AGAP1: variants seen among roughly 807,000 people sequenced by gnomAD.
AGAP1 encodes ArfGAP with GTPase domain, ankyrin repeat and PH domain 1.
A neutral mutation model predicts 105.3 loss-of-function variants in AGAP1; 29 were observed. The ratio of observed to expected loss-of-function variants is 0.28; its 90% confidence interval spans 0.21 to 0.38. AGAP1 has a LOEUF of 0.38. Ranked by LOEUF, AGAP1 falls within the 10% of genes least tolerant of loss-of-function variation. The pLI is 1.00. For synonymous variants in AGAP1, 509 were observed against 485.9 expected (o/e 1.05, Z -0.63); for missense variants, 998 against 1,165.1 (o/e 0.86, Z 2.09).
chr2:235,935,382 C>T (rs1220184778), intron 12 of AGAP1, among the ~76,000 whole-genome samples: 1 of 152,156 alleles, frequency 6.6e-6, no homozygotes, highest in Non-Finnish European at 1.5e-5. Flanking sequence ...TGAAAAAGGC[C>T]GTTCCAGGAG....
At chr2:235,776,057 C>T (rs940013779) in intron 6 of AGAP1, among the ~76,000 whole-genome samples, 13 of 152,058 alleles carry the variant, frequency 8.5e-5, no homozygotes, top group Non-Finnish European at 2.9e-5. Flanking sequence ...TAGGAGACTG[C>T]GTTGTGTTTG....
rs78544634 is a variant in AGAP1, at chr2:235,561,164, G to A, written c.163+66315G>A. Reference sequence around the variant, plus strand: ...GCCTCCTCGCCTGTGCTCTCTATGTGAACACAGAGTTTCTGCTTCACTGTG... The same window carrying A: ...GCCTCCTCGCCTGTGCTCTCTATGTAAACACAGAGTTTCTGCTTCACTGTG... On this transcript the variant is annotated intron_variant, in intron 1 of 17. Coordinates refer to ENST00000304032, the MANE Select transcript of AGAP1 (RefSeq NM_001037131.3). Among the ~76,000 whole-genome samples, 523 of 152,260 alleles carry A rather than the reference G, an allele frequency of 3.4e-3. 4 individuals are homozygous for A. Among genetic ancestry groups the A allele is most frequent in the African/African-American group, 0.012 (495 of 41,552 alleles).
At chr2:235,702,587 G>T (rs975543259) in intron 1 of AGAP1, among the ~76,000 whole-genome samples, 1 of 152,192 alleles carries the variant, frequency 6.6e-6, no homozygotes, top group Non-Finnish European at 1.5e-5. Context: ...TCATTTCCAG[G>T]ATTACTTCCC....
At position 235,700,051 on chromosome 2, in the gene AGAP1, T is replaced by C. The variant is rs746961878; in HGVS notation, c.164-9128T>C. The stretch of plus-strand genomic sequence containing the variant: ...ACAAGCTGGGGCCAGAAGGCTGTAC[T>C]GCACTGGACCCAAAACCTGCCCTAG... On this transcript the variant is annotated intron_variant, in intron 1 of 17. Transcript: ENST00000304032. This position sits in a 1 kb window ranked among gnomAD's most constrained non-coding sequence, Gnocchi z 6.1. Among the ~76,000 whole-genome samples the C allele has an allele frequency of 6.6e-6, 1 of 152,170 alleles. No individual in the cohort carries two copies. The highest frequency in any genetic ancestry group is 1.5e-5 in the Non-Finnish European group (1 of 68,028).
At chr2:235,990,044 A>T (rs913509640) in intron 13 of AGAP1, among the ~76,000 whole-genome samples, 2 of 151,924 alleles carry the variant, frequency 1.3e-5, no homozygotes, top group East Asian at 3.9e-4. Flanking sequence ...TGTGGGCCAC[A>T]CCCCAGGACC....
chr2:235,635,641 A>G lies in AGAP1; in HGVS notation c.164-73538A>G, dbSNP rs1946971199. Among the ~76,000 whole-genome samples the G allele has an allele frequency of 6.6e-6, 1 of 152,024 alleles. No homozygotes were observed. Among genetic ancestry groups the G allele is most frequent in the Non-Finnish European group, 1.5e-5 (1 of 68,004 alleles). On this transcript the variant is annotated intron_variant, in intron 1 of 17. Transcript: ENST00000304032. This position sits in a 1 kb window ranked among gnomAD's most constrained non-coding sequence, Gnocchi z 5.3. ...TCAATGAGTTTTCTAGGGAGGCATC[A>G]GAGTTAGCCATGGCACCTTCTCCAA...
At chr2:235,536,662 C>CAT (rs1943246754) in intron 1 of AGAP1, among the ~76,000 whole-genome samples, 1 of 151,674 alleles carries the variant, frequency 6.6e-6, no homozygotes, top group Admixed American at 6.6e-5. Flanking sequence ...CACACACACA[C>CAT]ACACACACAC....
At chr2:235,945,350 C>A (rs1292879382) in intron 12 of AGAP1, among the ~76,000 whole-genome samples, 3 of 152,116 alleles carry the variant, frequency 2.0e-5, no homozygotes, top group Non-Finnish European at 4.4e-5. Flanking sequence ...GTGATCCACC[C>A]ACCTTGGCCT....
At position 235,992,217 on chromosome 2, in the gene AGAP1, A is replaced by G. The variant is rs550155902; in HGVS notation, c.1645+23594A>G. On this transcript the variant is annotated intron_variant, in intron 13 of 17. Coordinates refer to ENST00000304032, the MANE Select transcript of AGAP1 (RefSeq NM_001037131.3). This position sits in a 1 kb window ranked among gnomAD's most constrained non-coding sequence, Gnocchi z 4.8. ...CGGAGGAGCCGGTCTTCCTGGGTCCATGTTGCGTGGTTAGGAGCGCAGCGG... is the reference window on the plus strand; with the variant it reads ...CGGAGGAGCCGGTCTTCCTGGGTCCGTGTTGCGTGGTTAGGAGCGCAGCGG... Among the ~76,000 whole-genome samples, 1 of 151,008 alleles carries G rather than the reference A, an allele frequency of 6.6e-6. No homozygotes were observed.
At chr2:235,710,419 T>C (rs1415471015) in intron 2 of AGAP1, among the ~76,000 whole-genome samples, 1 of 152,222 alleles carries the variant, frequency 6.6e-6, no homozygotes. Context: ...GCCGTCTCTC[T>C]CATTGGTGTC....
chr2:235,666,312 C>CTGA (rs1948125788), intron 1 of AGAP1, among the ~76,000 whole-genome samples: 1 of 152,092 alleles, frequency 6.6e-6, no homozygotes, highest in Admixed American at 6.5e-5. Context: ...ATAATGCCAC[C>CTGA]TGAACATATA....
chr2:235,895,693 G>A lies in AGAP1; in HGVS notation c.1155+12244G>A, dbSNP rs562267021. 2.7e-5 allele frequency among the ~76,000 whole-genome samples: 4 copies of A among 149,116 alleles called. No individual in the cohort carries two copies. In the South Asian group the frequency reaches 8.6e-4, roughly 32 times the overall value. On this transcript the variant is annotated intron_variant, in intron 10 of 17. Coordinates refer to ENST00000304032, the MANE Select transcript of AGAP1 (RefSeq NM_001037131.3). ...ATGTATCTCTAACATCTGGAACACT[G>A]GCTTGTTGGATGGATGGATGGATGG...
At position 236,125,555 on chromosome 2, in the gene AGAP1, C is replaced by G. The variant is rs1461401444; in HGVS notation, c.*1433C>G. The G allele has an allele frequency of 1.3e-5, 2 of 152,174 alleles. No individual in the cohort carries two copies. Among genetic ancestry groups the G allele is most frequent in the Non-Finnish European group, 1.5e-5 (1 of 68,032 alleles). 9.4% of individuals were successfully genotyped at this position (152,174 alleles called of 1,614,324 possible). A position where few individuals can be genotyped will look rare whatever the true frequency, so the allele number is the denominator to read the frequency against. On this transcript the variant is annotated 3_prime_UTR_variant, in exon 18 of 18. Coordinates refer to ENST00000304032, the MANE Select transcript of AGAP1 (RefSeq NM_001037131.3). The surrounding 1 kb of genome is among the most constrained non-coding windows in gnomAD (Gnocchi z 5.2). ...TCATGATTGAAAGCATGATTTAGAT[C>G]GGATACGGCTTTTGCTAACCAAGGA...
chr2:235,717,958 T>C (rs980666038), intron 3 of AGAP1, among the ~76,000 whole-genome samples: 1 of 152,218 alleles, frequency 6.6e-6, no homozygotes, highest in Non-Finnish European at 1.5e-5. Context: ...CCTTTAAATA[T>C]TGACTGGACA....
At chr2:236,118,846 C>T (rs1483021975) in intron 16 of AGAP1, among the ~76,000 whole-genome samples, 4 of 151,526 alleles carry the variant, frequency 2.6e-5, no homozygotes, top group African/African-American at 9.7e-5. Flanking sequence ...TTTTTTTTTC[C>T]CCTCTAGCGG....
In AGAP1 at chr2:235,961,484, C is replaced by T. The variant is rs999317544; in HGVS notation, c.1484-6978C>T. On this transcript the variant is annotated intron_variant, in intron 12 of 17. Transcript: ENST00000304032. The surrounding 1 kb of genome is among the most constrained non-coding windows in gnomAD (Gnocchi z 5.9). ...ACACCAGTGGTTGGTGGGATGTGAG[C>T]GGGACTGGAGTGAGGCCAGCCGTGG... Among the ~76,000 whole-genome samples, 7 of 152,252 alleles carry T rather than the reference C, an allele frequency of 4.6e-5. No homozygotes were observed. The highest frequency in any genetic ancestry group is 1.9e-4 in the East Asian group (1 of 5,172).
intron 1 of AGAP1, among the ~76,000 whole-genome samples, chr2:235,590,470 G>C: frequency 6.6e-6 from 1 of 152,182 alleles, no homozygotes; most frequent in East Asian, 1.9e-4. Flanking sequence ...TTGATCAACA[G>C]GTGTGGGCAG....
chr2:235,835,882 C>A (rs886360636), intron 9 of AGAP1, among the ~76,000 whole-genome samples: 1 of 152,146 alleles, frequency 6.6e-6, no homozygotes, highest in African/African-American at 2.4e-5. Context: ...CGGCTGTCAC[C>A]GTGATTATTA....
At position 235,550,541 on chromosome 2, in the gene AGAP1, C is replaced by G. The variant is rs965302154; in HGVS notation, c.163+55692C>G. On this transcript the variant is annotated intron_variant, in intron 1 of 17. Transcript: ENST00000304032. The surrounding 1 kb of genome is among the most constrained non-coding windows in gnomAD (Gnocchi z 4.6). Reference sequence around the variant, plus strand: ...GTTCTTGGGCCCCACCCCACACCTGCGACTCCAGACTCAGAGTTGATGAGG... The same window carrying G: ...GTTCTTGGGCCCCACCCCACACCTGGGACTCCAGACTCAGAGTTGATGAGG... Among the ~76,000 whole-genome samples, 48 of 152,148 alleles carry G rather than the reference C, an allele frequency of 3.2e-4. No homozygotes were observed. Among genetic ancestry groups the G allele is most frequent in the African/African-American group, 1.1e-3 (46 of 41,440 alleles).
Sources: gnomAD v4.1 joint callset for allele counts (sites outside exome capture counted in the v4.1 genomes callset) on GRCh38, gnomAD v4.1.1 for gene constraint, Gnocchi (gnomAD v3.1) non-coding constraint, MANE v1.5 for transcripts, NCBI Gene and HGNC (gene_info 2026-07-23, HGNC 2026-07-21) for gene names.